MYO1D: variants seen among roughly 807,000 people sequenced by gnomAD.
MYO1D encodes myosin ID.
Under a neutral mutation model 122.0 loss-of-function variants are expected in MYO1D, and 83 were observed. The ratio of observed to expected loss-of-function variants is 0.68; its 90% CI spans 0.57 to 0.82. The LOEUF is 0.82. MYO1D is among the 40% of genes least tolerant of loss of function. MYO1D has a pLI of 0.00. For synonymous variants in MYO1D, 464 were observed against 446.9 expected, an observed-to-expected ratio of 1.04 and a Z score of -0.48; for missense variants, 1,157 against 1,269.5, an observed-to-expected ratio of 0.91 and a Z score of 1.35.
At chr17:32,523,974 A>G (rs2150868940) in intron 21 of MYO1D, among the ~76,000 whole-genome samples, 1 of 152,316 alleles carries the variant, frequency 6.6e-6, no homozygotes, top group Non-Finnish European at 1.5e-5. Flanking sequence ...TGTGAAGATC[A>G]AAAGATAATG....
intron 21 of MYO1D, among the ~76,000 whole-genome samples, chr17:32,580,858 A>G (rs2087332486): frequency 6.6e-6 from 1 of 152,182 alleles, no homozygotes; most frequent in Non-Finnish European, 1.5e-5. Flanking sequence ...GATGCACTAA[A>G]TATTGCTTAT....
chr17:32,519,820 A>G (rs991005611), intron 21 of MYO1D, among the ~76,000 whole-genome samples: 12 of 152,096 alleles, frequency 7.9e-5, no homozygotes, highest in South Asian at 2.1e-4. Flanking sequence ...GTACAGGATC[A>G]ATATAAGACA....
intron 21 of MYO1D, among the ~76,000 whole-genome samples, chr17:32,589,090 G>A (rs2087416030): frequency 6.6e-6 from 1 of 152,182 alleles, no homozygotes; most frequent in Non-Finnish European, 1.5e-5. Flanking sequence ...TCATATTTGT[G>A]AACTGCATAT....
At chr17:32,695,772 T>C (rs2089163973) in intron 16 of MYO1D, among the ~76,000 whole-genome samples, 1 of 152,228 alleles carries the variant, frequency 6.6e-6, no homozygotes. Flanking sequence ...CATTTCTTGG[T>C]GAGCATAAAC....
At chr17:32,816,113 G>A (rs1004507381) in intron 1 of MYO1D, among the ~76,000 whole-genome samples, 6 of 152,200 alleles carry the variant, frequency 3.9e-5, no homozygotes, top group African/African-American at 1.4e-4. Context: ...TATTGAGAAT[G>A]TCTGTGGGTC....
At chr17:32,822,451 G>A (rs986164171) in intron 1 of MYO1D, among the ~76,000 whole-genome samples, 69 of 150,762 alleles carry the variant, frequency 4.6e-4, no homozygotes, top group Non-Finnish European at 1.3e-4. Flanking sequence ...GGCCTCTCCC[G>A]CCGACCACGG....
At chr17:32,537,641 G>T (rs1007418399) in intron 21 of MYO1D, among the ~76,000 whole-genome samples, 3 of 152,160 alleles carry the variant, frequency 2.0e-5, no homozygotes, top group Admixed American at 6.5e-5. Flanking sequence ...CTCCAATTAT[G>T]AAATGACCAG....
rs560900867 is a variant in MYO1D at position 32,496,460 on chromosome 17, T to C, written c.2865-1545A>G. On this transcript the variant is annotated intron_variant, in intron 21 of 21. Transcript: ENST00000318217. ...TTAGACAGCTATTTTTAACCAGACT[T>C]GGACATAAAAATAGCAGAGCCCAGC... 3.9e-4 allele frequency among the ~76,000 whole-genome samples: 60 copies of C among 152,322 alleles called. 1 individual carries two copies. Among genetic ancestry groups the C allele is most frequent in the African/African-American group, 1.4e-3 (59 of 41,582 alleles).
At chr17:32,738,732 T>C (rs1301241267) in intron 13 of MYO1D, among the ~76,000 whole-genome samples, 1 of 152,048 alleles carries the variant, frequency 6.6e-6, no homozygotes, top group East Asian at 1.9e-4. Flanking sequence ...GGTTAGAAAA[T>C]GAGGACAAAC....
intron 19 of MYO1D, among the ~76,000 whole-genome samples, chr17:32,650,518 T>A (rs557032380): frequency 6.6e-6 from 1 of 152,302 alleles, no homozygotes; most frequent in Admixed American, 6.5e-5. Context: ...CCTCAGAGAC[T>A]TCGGCTGCAC....
chr17:32,820,040 G>A (rs2090646733), intron 1 of MYO1D, among the ~76,000 whole-genome samples: 1 of 152,194 alleles, frequency 6.6e-6, no homozygotes, highest in African/African-American at 2.4e-5. Context: ...AAGAGGGAGA[G>A]ACGGGAGACA....
At chr17:32,633,170 T>TA (rs748018183) in intron 20 of MYO1D, among the ~76,000 whole-genome samples, 3 of 95,182 alleles carry the variant, frequency 3.2e-5, no homozygotes, top group African/African-American at 1.5e-4. Context: ...AAGACTAAAT[T>TA]TAAAAAAAAA....
chr17:32,697,151 C>T (rs1445175094), intron 16 of MYO1D, among the ~76,000 whole-genome samples: 1 of 152,204 alleles, frequency 6.6e-6, no homozygotes, highest in Non-Finnish European at 1.5e-5. Flanking sequence ...TTTGGGTGCA[C>T]ACATCTGCCC....
intron 21 of MYO1D, among the ~76,000 whole-genome samples, chr17:32,569,953 G>A (rs1330864136): frequency 6.6e-6 from 1 of 152,212 alleles, no homozygotes; most frequent in Non-Finnish European, 1.5e-5. Flanking sequence ...AACCACAGCA[G>A]ATGCAGTTTT....
At chr17:32,849,091 A>C (rs138271790) in intron 1 of MYO1D, among the ~76,000 whole-genome samples, 42 of 152,264 alleles carry the variant, frequency 2.8e-4, no homozygotes, top group African/African-American at 1.0e-3. Context: ...CCATCAGAGA[A>C]ATGCAAATCA....
chr17:32,575,383 T>C (rs2087269375), intron 21 of MYO1D, among the ~76,000 whole-genome samples: 1 of 152,242 alleles, frequency 6.6e-6, no homozygotes, highest in South Asian at 2.1e-4. Context: ...CATCCTTTAA[T>C]TTACTGATGA....
intron 1 of MYO1D, among the ~76,000 whole-genome samples, chr17:32,842,259 A>C (rs377515501): frequency 1.8e-4 from 27 of 152,286 alleles, no homozygotes; most frequent in African/African-American, 5.1e-4. Context: ...AAGGAAGAAG[A>C]AGCAGTATGA....
intron 1 of MYO1D, among the ~76,000 whole-genome samples, chr17:32,876,425 T>A (rs1444193174): frequency 6.6e-6 from 1 of 152,168 alleles, no homozygotes; most frequent in Non-Finnish European, 1.5e-5. Flanking sequence ...TCAGTTTCCA[T>A]GAGGTCACCG....
At chr17:32,498,556 C>T (rs1397962593) in intron 21 of MYO1D, 2 of 152,216 alleles carry the variant, frequency 1.3e-5, no homozygotes, top group Admixed American at 1.3e-4. Context: ...ACATGAAACC[C>T]GAGCTGGGAG....
Sources: gnomAD v4.1 joint callset for allele counts (sites outside exome capture counted in the v4.1 genomes callset) on GRCh38, gnomAD v4.1.1 for gene constraint, MANE v1.5 for transcripts, NCBI Gene and HGNC (gene_info 2026-07-23, HGNC 2026-07-21) for gene names.